ACLY: variants seen among roughly 807,000 people sequenced by gnomAD.
The protein encoded by ACLY is ATP-citrate synthase.
Under a neutral mutation model 133.0 loss-of-function variants are expected in ACLY, and 41 were observed. The ratio of observed to expected loss-of-function variants is 0.31; its 90% confidence interval spans 0.24 to 0.40. The LOEUF (loss-of-function observed/expected upper bound fraction) is 0.40. ACLY is among the 10% of genes least tolerant of loss of function. The pLI is 1.00. For synonymous variants in ACLY, 495 were observed against 549.3 expected (o/e 0.90, Z 1.38); for missense variants, 1,046 against 1,453.8 (o/e 0.72, Z 4.56).
Position 41,871,778 on chromosome 17 carries a change from A to C in ACLY, c.2848T>G (p.Phe950Val). ...TCCATGGGGATAATGCCACTGTCAA[A>C]GGCTTTACTGAACATCTTGGCTGCT... ...DAAAKMFSKA[F>V]DSGIIPMEFV... is the part of the protein sequence containing the mutation. The change falls in exon 25 of 29, where the codon TTT becomes GTT. Residue 950 changes from phenylalanine (F) to valine (V), a missense_variant. Phe to Val is a conservative substitution (Grantham distance 50, BLOSUM62 -1). Around this residue, in one of 4 missense-constraint regions of ACLY, gnomAD observed 205 missense variants for 373.3 expected, o/e 0.55. Transcript: ENST00000352035. The C allele has an allele frequency of 6.2e-7, 1 of 1,614,088 alleles. No individual in the cohort carries two copies. Among genetic ancestry groups the C allele is most frequent in the African/African-American group, 1.3e-5 (1 of 75,034 alleles).
chr17:41,902,316 C>G (rs951392237), intron 10 of ACLY, among the ~76,000 whole-genome samples: 1 of 152,162 alleles, frequency 6.6e-6, no homozygotes, highest in Non-Finnish European at 1.5e-5. Flanking sequence ...TGGGTTCAAG[C>G]GATTCTCCTG....
intron 9 of ACLY, 127 bp from the exon 10 acceptor site, chr17:41,904,917 G>A: frequency 1.2e-6 from 1 of 817,498 alleles, no homozygotes; most frequent in Non-Finnish European, 2.0e-6. Flanking sequence ...GAGGTACTGG[G>A]GAGTGAGTAG....
chr17:41,892,796 C>A (rs2049252026), intron 15 of ACLY, among the ~76,000 whole-genome samples: 1 of 152,070 alleles, frequency 6.6e-6, no homozygotes, highest in Non-Finnish European at 1.5e-5. Context: ...CCTGCCTCAC[C>A]CTCCCAAGTA....
chr17:41,883,032 C>G, intron 20 of ACLY, 90 bp downstream of exon 20: 1 of 1,087,896 alleles, frequency 9.2e-7, no homozygotes. Flanking sequence ...GAACTAGCTG[C>G]GAATTAATAA....
intron 3 of ACLY, 54 bp downstream of exon 3, chr17:41,912,366 A>G: frequency 6.3e-7 from 1 of 1,595,912 alleles, no homozygotes; most frequent in Non-Finnish European, 8.6e-7. Flanking sequence ...CCTGGAGGTG[A>G]CCATATTTGC....
At chr17:41,916,378 GT>G (rs71155191) in intron 1 of ACLY, among the ~76,000 whole-genome samples, 19 of 141,188 alleles carry the variant, frequency 1.3e-4, no homozygotes, top group Admixed American at 2.1e-4. Flanking sequence ...GTTTTGTTTT[GT>G]TTTTTTTTTT....
chr17:41,878,963 C>A, intron 20 of ACLY, 39 bp from the exon 21 acceptor site: 1 of 1,612,518 alleles, frequency 6.2e-7, no homozygotes. Flanking sequence ...GCTAATCCCC[C>A]AAGAGTGAAC....
intron 11 of ACLY, among the ~76,000 whole-genome samples, chr17:41,900,142 C>T (rs984748896): frequency 1.0e-4 from 15 of 146,902 alleles, no homozygotes; most frequent in Admixed American, 6.9e-4. Flanking sequence ...AGTCTGATCA[C>T]GAGGTCAAGA....
In ACLY at chr17:41,869,036, T is replaced by C. The variant is rs782026916; in HGVS notation, c.3134+7A>G. ...GTAATGAAGAAGAAAACAGCTACAATGCTCACCGAGTAAAGGACCCACAGT... is the reference window on the plus strand; with the variant it reads ...GTAATGAAGAAGAAAACAGCTACAACGCTCACCGAGTAAAGGACCCACAGT... On this transcript the variant is annotated splice_region_variant and intron_variant, in intron 27 of 28. Coordinates refer to ENST00000352035, the MANE Select transcript of ACLY (RefSeq NM_001096.3). 6.2e-6 allele frequency: 10 copies of C among 1,608,270 alleles called. No homozygotes were observed. Among genetic ancestry groups the C allele is most frequent in the Non-Finnish European group, 8.5e-6 (10 of 1,176,494 alleles).
At chr17:41,927,299 G>A (rs2050255353) in intron 1 of ACLY, among the ~76,000 whole-genome samples, 1 of 152,110 alleles carries the variant, frequency 6.6e-6, no homozygotes, top group Non-Finnish European at 1.5e-5. Flanking sequence ...CTACTGCCAT[G>A]TTCCCAGGCA....
chr17:41,894,343 C>T (rs1257121559), intron 14 of ACLY, among the ~76,000 whole-genome samples: 1 of 139,232 alleles, frequency 7.2e-6, no homozygotes, highest in Admixed American at 7.8e-5. Context: ...CACCACTGCA[C>T]TCCAGCTTGG....
intron 1 of ACLY, among the ~76,000 whole-genome samples, chr17:41,929,660 A>G (rs952820451): frequency 4.6e-5 from 7 of 152,320 alleles, no homozygotes; most frequent in Non-Finnish European, 4.4e-5. Context: ...ATTATTTCTT[A>G]TATTTTGAAT....
In ACLY at chr17:41,867,936, G is replaced by C. The variant is rs2048504628; in HGVS notation, c.3212-32C>G. 3 of 1,505,088 alleles carry C rather than the reference G, an allele frequency of 2.0e-6. No homozygotes were observed. The African/African-American group carries it at 4.2e-5, about 21-fold the overall frequency. 93.2% of individuals were successfully genotyped at this position (1,505,088 alleles called of 1,614,324 possible). On this transcript the variant is annotated intron_variant, in intron 28 of 28. Coordinates refer to ENST00000352035, the MANE Select transcript of ACLY (RefSeq NM_001096.3). Reference sequence around the variant, plus strand: ...TGAAGCAAACACATCTTTTTTATTAGAGCTTCATAAGCCTGGTGAGAGGAA... The same window carrying C: ...TGAAGCAAACACATCTTTTTTATTACAGCTTCATAAGCCTGGTGAGAGGAA...
At position 41,907,442 on chromosome 17, in the gene ACLY, C is replaced by T; in HGVS notation, c.747G>A (p.Glu249=). ...CATCTCCTCTCTAAACCAGCCTTAC[C>T]TCTGGATATGCCTCCCGCCCGAAGG... ...PPPFGREAYP[E]EAYIADLDAK... The change falls in exon 7 of 29, where the codon GAG becomes GAA. Residue 249 remains glutamate, a splice_region_variant and synonymous_variant. Transcript: ENST00000352035. 1 of 1,613,806 alleles carries T rather than the reference C, an allele frequency of 6.2e-7. No individual in the cohort carries two copies. Among genetic ancestry groups the T allele is most frequent in the South Asian group, 1.1e-5 (1 of 91,064 alleles).
At chr17:41,873,656 TTA>T (rs2048656990) in intron 23 of ACLY, among the ~76,000 whole-genome samples, 153 bp downstream of exon 23, 1 of 152,144 alleles carries the variant, frequency 6.6e-6, no homozygotes, top group Non-Finnish European at 1.5e-5. Flanking sequence ...TAGGAATAGT[TTA>T]TGTGTCCTTC....
At chr17:41,877,443 C>CTTT (rs35203873) in intron 22 of ACLY, among the ~76,000 whole-genome samples, 3 of 135,242 alleles carry the variant, frequency 2.2e-5, no homozygotes, top group African/African-American at 2.7e-5. Flanking sequence ...AGGCCCAGCC[C>CTTT]TTTTTTTTTT....
At position 41,898,627 on chromosome 17, in the gene ACLY, C is replaced by A. The variant is rs770068080; in HGVS notation, c.1338+4G>T. 17 of 1,613,090 alleles carry A rather than the reference C, an allele frequency of 1.1e-5. No individual in the cohort carries two copies. In the East Asian group the frequency reaches 3.8e-4, roughly 36 times the overall value. On this transcript the variant is annotated splice_donor_region_variant and intron_variant, in intron 12 of 28. Transcript: ENST00000352035. ...CTGTAAGGTTTGGGGAGGCTGGAACCTACCGATGTGCTCCCGCTGGCGTTG... is the reference window on the plus strand; with the variant it reads ...CTGTAAGGTTTGGGGAGGCTGGAACATACCGATGTGCTCCCGCTGGCGTTG...
intron 20 of ACLY, among the ~76,000 whole-genome samples, chr17:41,881,442 G>T (rs1337765282): frequency 6.9e-6 from 1 of 144,368 alleles, no homozygotes; most frequent in Non-Finnish European, 1.5e-5. Flanking sequence ...AAAAAAAAAG[G>T]AGAATCAGGA....
rs143028744 is a variant in ACLY at position 41,883,033 on chromosome 17, G to C, written c.2265+89C>G. The C allele has an allele frequency of 3.9e-4, 427 of 1,095,386 alleles. 2 individuals are homozygous for C. The African/African-American group carries it at 5.8e-3, about 15-fold the overall frequency. The allele number at this position is 1,095,386 out of a possible 1,614,324, so 67.9% of individuals were successfully genotyped here. ...AACGTTTCTTGAAGGAACTAGCTGC[G>C]AATTAATAAGATGATTACCTGGTTC... On this transcript the variant is annotated intron_variant, in intron 20 of 28. Coordinates refer to ENST00000352035, the MANE Select transcript of ACLY (RefSeq NM_001096.3).
Sources: allele counts gnomAD v4.1 joint callset (sites outside exome capture counted in the v4.1 genomes callset), GRCh38; gene constraint gnomAD v4.1.1; regional missense constraint gnomAD v4.1.1; transcripts MANE v1.5; gene names NCBI Gene and HGNC (gene_info 2026-07-23, HGNC 2026-07-21).